The following OSBP2 variants were observed in gnomAD, a reference collection of about 807,000 sequenced individuals.
OSBP2 encodes the protein oxysterol-binding protein 2.
OSBP2 carries 66 observed loss-of-function variants against 96.0 expected under a neutral mutation model. That is an observed-to-expected ratio of 0.69 (90% CI 0.56 to 0.84). OSBP2 has a LOEUF of 0.84. Among genes scored for constraint, OSBP2 ranks in the 40% least tolerant of loss-of-function variants. OSBP2 has a pLI of 0.00. For synonymous variants in OSBP2, 525 were observed against 520.9 expected, an observed-to-expected ratio of 1.01 and a Z score of -0.11; for missense variants, 1,038 against 1,222.7, an observed-to-expected ratio of 0.85 and a Z score of 2.25.
chr22:30,699,861 C>A (rs1420112112), intron 1 of OSBP2, among the ~76,000 whole-genome samples: 1 of 152,018 alleles, frequency 6.6e-6, no homozygotes, highest in South Asian at 2.1e-4. Flanking sequence ...TAAATATTAT[C>A]ACATGTAAAA....
intron 2 of OSBP2, among the ~76,000 whole-genome samples, chr22:30,794,446 G>A (rs913426568): frequency 1.3e-5 from 2 of 151,672 alleles, no homozygotes; most frequent in African/African-American, 4.8e-5. Context: ...TATATTTTTA[G>A]TAGAGACAGG....
At chr22:30,814,803 G>A (rs1289368365) in intron 2 of OSBP2, among the ~76,000 whole-genome samples, 1 of 152,150 alleles carries the variant, frequency 6.6e-6, no homozygotes, top group East Asian at 1.9e-4. Flanking sequence ...TATGGATTTT[G>A]GGGGGACACA....
chr22:30,868,176 G>A (rs956169367), intron 2 of OSBP2, among the ~76,000 whole-genome samples: 18 of 152,260 alleles, frequency 1.2e-4, no homozygotes, highest in African/African-American at 3.6e-4. Flanking sequence ...CACATCAGCC[G>A]TTAGAGCCTT....
intron 2 of OSBP2, among the ~76,000 whole-genome samples, chr22:30,777,222 C>T (rs1310272870): frequency 6.6e-6 from 1 of 151,946 alleles, no homozygotes; most frequent in Non-Finnish European, 1.5e-5. Flanking sequence ...TTGGGAGGGG[C>T]CAGGGGTGGG....
At chr22:30,824,472 T>C (rs1376948123) in intron 2 of OSBP2, among the ~76,000 whole-genome samples, 1 of 152,132 alleles carries the variant, frequency 6.6e-6, no homozygotes, top group Non-Finnish European at 1.5e-5. Flanking sequence ...GAAGGGTGTT[T>C]TCAAGAGAAG....
chr22:30,695,093 C>A lies in OSBP2; in HGVS notation c.184C>A (p.Arg62=), dbSNP rs554020856. Reference sequence around the variant, plus strand: ...GCCCCAGCCCGTGCCCGAACCGGAGCGGGGACCGCTGTCAGAACAGGTGTC... The same window carrying A: ...GCCCCAGCCCGTGCCCGAACCGGAGAGGGGACCGCTGTCAGAACAGGTGTC... ...PQPQPVPEPE[R]GPLSEQVSEA... is the part of the protein sequence containing the mutation. The change falls in exon 1 of 14, where the codon CGG becomes AGG. Residue 62 remains arginine, a synonymous_variant. Transcript: ENST00000332585. The A allele has an allele frequency of 6.3e-7, 1 of 1,579,908 alleles. No homozygotes were observed. Among genetic ancestry groups the A allele is most frequent in the African/African-American group, 1.3e-5 (1 of 74,158 alleles).
chr22:30,871,469 G>A lies in OSBP2; in HGVS notation c.1107+787G>A, dbSNP rs536515880. Among the ~76,000 whole-genome samples the A allele has an allele frequency of 2.6e-5, 4 of 152,344 alleles. No homozygotes were observed. Among genetic ancestry groups the A allele is most frequent in the East Asian group, 3.9e-4 (2 of 5,186 alleles). The stretch of plus-strand genomic sequence containing the variant: ...TCCTCCCAGGACAGTCCCCCAGGGC[G>A]GCACATCTGGGCCAGGGGTGCAGTT... On this transcript the variant is annotated intron_variant, in intron 3 of 13. Transcript: ENST00000332585. This position sits in a 1 kb window ranked among gnomAD's most constrained non-coding sequence, Gnocchi z 4.7.
chr22:30,833,786 T>C (rs1302394215), intron 2 of OSBP2, among the ~76,000 whole-genome samples: 1 of 152,250 alleles, frequency 6.6e-6, no homozygotes, highest in Non-Finnish European at 1.5e-5. Context: ...GACTTCATCA[T>C]CATATGCCAG....
rs185753633 is a variant in OSBP2, at chr22:30,768,402, C to T, written c.853+27033C>T. ...AGTTTAAAACATTCCTGTGGCCAGG[C>T]ATGGTGGCTCATACCTATAATCCTA... On this transcript the variant is annotated intron_variant, in intron 2 of 13. Coordinates refer to ENST00000332585, the MANE Select transcript of OSBP2 (RefSeq NM_030758.4). Among the ~76,000 whole-genome samples, 17 of 152,264 alleles carry T rather than the reference C, an allele frequency of 1.1e-4. No homozygotes were observed. The Middle Eastern group carries it at 0.01, about 91-fold the overall frequency.
chr22:30,870,864 C>A lies in OSBP2; in HGVS notation c.1107+182C>A, dbSNP rs2039444259. ...TTCTTAAATCATCTCCTTCACTCGG[C>A]CGTCGTTGGGCAAGGACATTCTTCC... On this transcript the variant is annotated intron_variant, in intron 3 of 13. Coordinates refer to ENST00000332585, the MANE Select transcript of OSBP2 (RefSeq NM_030758.4). The surrounding 1 kb of genome is among the most constrained non-coding windows in gnomAD (Gnocchi z 4.1). Among the ~76,000 whole-genome samples, 1 of 152,214 alleles carries A rather than the reference C, an allele frequency of 6.6e-6. No individual in the cohort carries two copies. Among genetic ancestry groups the A allele is most frequent in the Non-Finnish European group, 1.5e-5 (1 of 68,040 alleles).
At chr22:30,757,316 G>T (rs2090154251) in intron 2 of OSBP2, among the ~76,000 whole-genome samples, 1 of 152,168 alleles carries the variant, frequency 6.6e-6, no homozygotes, top group Non-Finnish European at 1.5e-5. Context: ...AATCCCAAAT[G>T]ATTCCAGTGG....
At chr22:30,702,390 G>A (rs1048456622) in intron 1 of OSBP2, among the ~76,000 whole-genome samples, 1 of 152,122 alleles carries the variant, frequency 6.6e-6, no homozygotes, top group Non-Finnish European at 1.5e-5. Context: ...GAGGCAGGTG[G>A]GTCACCTGAG....
intron 2 of OSBP2, among the ~76,000 whole-genome samples, chr22:30,768,764 T>C (rs2090310422): frequency 6.6e-6 from 1 of 152,250 alleles, no homozygotes; most frequent in South Asian, 2.1e-4. Flanking sequence ...GCAATTACCT[T>C]GATTGCTAAT....
intron 1 of OSBP2, among the ~76,000 whole-genome samples, chr22:30,722,358 C>G (rs2089564883): frequency 6.6e-6 from 1 of 152,176 alleles, no homozygotes; most frequent in Admixed American, 6.5e-5. Context: ...CCAGTGTCAA[C>G]AAGTCTCACC....
rs1490781912 is a variant in OSBP2 at position 30,890,754 on chromosome 22, G to A, written c.1650G>A (p.Met550Ile). The change falls in exon 8 of 14, where the codon ATG becomes ATA. Residue 550 changes from methionine to isoleucine, a missense_variant. Physicochemically the swap from Met to Ile is conservative, Grantham distance 10. This residue lies in a region of OSBP2 where 737 missense variants were observed against 913.3 expected (regional missense o/e 0.81). Coordinates refer to ENST00000332585, the MANE Select transcript of OSBP2 (RefSeq NM_030758.4). This position sits in a 1 kb window ranked among gnomAD's most constrained non-coding sequence, Gnocchi z 4.4. ...TGAACTTCAATGAGCCCCTGTCCAT[G>A]CTCCAGCGGCTGACAGAGGACCTGG... The part of the protein sequence containing the change: ...MPVNFNEPLS[M>I]LQRLTEDLEY... 2 of 1,612,900 alleles carry A rather than the reference G, an allele frequency of 1.2e-6. No individual in the cohort carries two copies. The highest frequency in any genetic ancestry group is 1.7e-6 in the Non-Finnish European group (2 of 1,179,966).
intron 2 of OSBP2, among the ~76,000 whole-genome samples, chr22:30,869,951 G>T (rs1386207117): frequency 6.6e-6 from 1 of 152,208 alleles, no homozygotes; most frequent in African/African-American, 2.4e-5. Context: ...TGAGCAGAGA[G>T]CAAAGTGAGG....
intron 3 of OSBP2, chr22:30,872,406 C>G (rs972687912): frequency 3.5e-5 from 16 of 456,198 alleles, no homozygotes; most frequent in African/African-American, 2.8e-4. Context: ...AGATAATGAG[C>G]GTCTCAGCTG....
intron 4 of OSBP2, 124 bp from the exon 5 acceptor site, chr22:30,888,098 AG>A: frequency 1.4e-6 from 1 of 703,618 alleles, no homozygotes; most frequent in Non-Finnish European, 2.6e-6. Context: ...AGGGCTGCCC[AG>A]GTGACTGAAG....
chr22:30,870,029 C>G lies in OSBP2; in HGVS notation c.854-400C>G, dbSNP rs11704992. On this transcript the variant is annotated intron_variant, in intron 2 of 13. Coordinates refer to ENST00000332585, the MANE Select transcript of OSBP2 (RefSeq NM_030758.4). The surrounding 1 kb of genome is among the most constrained non-coding windows in gnomAD (Gnocchi z 4.1). ...CTGAGAAAGGAGCCCAGGCTCCATT[C>G]TGGGGGCCTCTGTGCCCAGAGAGCA... is the stretch of plus-strand genomic sequence containing the variant. 6.6e-6 allele frequency among the ~76,000 whole-genome samples: 1 copy of G among 152,198 alleles called. No individual in the cohort carries two copies. The highest frequency in any genetic ancestry group is 2.4e-5 in the African/African-American group (1 of 41,456).
Sources: gnomAD v4.1 joint callset for allele counts (sites outside exome capture counted in the v4.1 genomes callset) on GRCh38, gnomAD v4.1.1 for gene constraint, gnomAD v4.1.1 regional missense constraint, Gnocchi (gnomAD v3.1) non-coding constraint, MANE v1.5 for transcripts, NCBI Gene and HGNC (gene_info 2026-07-23, HGNC 2026-07-21) for gene names.